Variants in PPP2R5E observed in about 807,000 individuals in gnomAD.
The protein encoded by PPP2R5E is protein phosphatase 2 regulatory subunit B'epsilon.
PPP2R5E carries 4 observed loss-of-function variants against 65.3 expected under a neutral mutation model. The ratio of observed to expected loss-of-function variants is 0.06; its 90% confidence interval spans 0.03 to 0.14. PPP2R5E has a LOEUF of 0.14. PPP2R5E is among the 10% of genes least tolerant of loss of function. The pLI, the probability that PPP2R5E is intolerant of heterozygous loss-of-function variation, is 1.00. For synonymous variants in PPP2R5E, 183 were observed against 187.4 expected (o/e 0.98, Z 0.19); for missense variants, 274 against 556.1 (o/e 0.49, Z 5.10).
intron 2 of PPP2R5E, among the ~76,000 whole-genome samples, chr14:63,538,757 C>G (rs1211508446): frequency 1.3e-5 from 2 of 151,384 alleles, no homozygotes; most frequent in African/African-American, 4.9e-5. Flanking sequence ...CCAGCCTGAC[C>G]AACATGGTGA....
At chr14:63,477,829 G>C (rs1366893302) in intron 2 of PPP2R5E, among the ~76,000 whole-genome samples, 1 of 151,558 alleles carries the variant, frequency 6.6e-6, no homozygotes, top group Non-Finnish European at 1.5e-5. Flanking sequence ...GAGAAGATTA[G>C]CATGACCTCT....
intron 13 of PPP2R5E, among the ~76,000 whole-genome samples, chr14:63,377,063 G>A (rs764756013): frequency 2.0e-5 from 3 of 151,920 alleles, no homozygotes; most frequent in Non-Finnish European, 4.4e-5. Flanking sequence ...AACCCGGGGG[G>A]CGGAGATTGT....
intron 2 of PPP2R5E, among the ~76,000 whole-genome samples, chr14:63,480,960 T>C (rs1890667706): frequency 6.6e-6 from 1 of 152,150 alleles, no homozygotes; most frequent in Non-Finnish European, 1.5e-5. Context: ...GTTAAGAAAA[T>C]AGCAACTGGA....
chr14:63,487,652 T>C (rs1159960670), intron 2 of PPP2R5E, among the ~76,000 whole-genome samples: 1 of 152,240 alleles, frequency 6.6e-6, no homozygotes, highest in Non-Finnish European at 1.5e-5. Context: ...GTCCTTTCTA[T>C]ACAAATTAGT....
intron 2 of PPP2R5E, among the ~76,000 whole-genome samples, chr14:63,483,582 T>C (rs1452018633): frequency 6.6e-6 from 1 of 152,010 alleles, no homozygotes; most frequent in African/African-American, 2.4e-5. Context: ...AGGGCGCCAC[T>C]AGAGAAAAGC....
intron 5 of PPP2R5E, among the ~76,000 whole-genome samples, chr14:63,402,618 T>G (rs959140512): frequency 6.6e-6 from 1 of 152,164 alleles, no homozygotes; most frequent in Non-Finnish European, 1.5e-5. Context: ...GGAAATTTTT[T>G]AAAAGCTTTT....
intron 5 of PPP2R5E, among the ~76,000 whole-genome samples, chr14:63,409,921 G>A (rs1347480628): frequency 1.3e-5 from 2 of 152,254 alleles, no homozygotes; most frequent in Non-Finnish European, 2.9e-5. Flanking sequence ...TTTGTATGCA[G>A]TTTCTTCTGA....
In PPP2R5E at chr14:63,474,306, G is replaced by A. The variant is rs564122405; in HGVS notation, c.158-20421C>T. Among the ~76,000 whole-genome samples, 14 of 152,264 alleles carry A rather than the reference G, an allele frequency of 9.2e-5. No homozygotes were observed. In the East Asian group the frequency reaches 1.9e-3, roughly 21 times the overall value. On this transcript the variant is annotated intron_variant, in intron 2 of 13. Transcript: ENST00000337537. The stretch of plus-strand genomic sequence containing the variant: ...CTTGGCACTTGCCCCACTTCTCCAC[G>A]TTCAGTGGGTGGGAGCCGGGTTGTC...
At chr14:63,503,771 T>C (rs1038573640) in intron 2 of PPP2R5E, among the ~76,000 whole-genome samples, 12 of 152,172 alleles carry the variant, frequency 7.9e-5, no homozygotes, top group African/African-American at 1.2e-4. Flanking sequence ...CAGAATTGCA[T>C]GGGGGCCTTG....
intron 2 of PPP2R5E, among the ~76,000 whole-genome samples, chr14:63,522,444 A>G (rs1046050544): frequency 2.2e-5 from 3 of 137,868 alleles, no homozygotes; most frequent in Admixed American, 7.4e-5. Context: ...CTGGCTGCCC[A>G]GTCTGGAAAG....
At chr14:63,400,385 AT>A (rs1885676934) in intron 5 of PPP2R5E, among the ~76,000 whole-genome samples, 1 of 152,226 alleles carries the variant, frequency 6.6e-6, no homozygotes, top group Admixed American at 6.5e-5. Flanking sequence ...AGGAAGAGAC[AT>A]CCAGGCTGAC....
intron 2 of PPP2R5E, among the ~76,000 whole-genome samples, chr14:63,498,567 T>C (rs917717374): frequency 3.9e-5 from 6 of 152,100 alleles, no homozygotes; most frequent in Non-Finnish European, 7.3e-5. Flanking sequence ...AAGTAATTTT[T>C]TTTTTTCCCA....
chr14:63,439,472 TC>T (rs1004622285), intron 3 of PPP2R5E, among the ~76,000 whole-genome samples: 1 of 152,186 alleles, frequency 6.6e-6, no homozygotes, highest in Non-Finnish European at 1.5e-5. Context: ...CCTCCCAGGT[TC>T]AAGCCATTCT....
intron 3 of PPP2R5E, among the ~76,000 whole-genome samples, chr14:63,426,699 CAAAAAAAAAAAA>C (rs1191603099): frequency 7.3e-5 from 4 of 54,794 alleles, no homozygotes; most frequent in South Asian, 1.6e-3. Context: ...AAAGGCTTAT[CAAAAAAAAAAAA>C]AAAAAAAAAA....
intron 2 of PPP2R5E, among the ~76,000 whole-genome samples, chr14:63,501,869 AT>A (rs1226569000): frequency 6.6e-6 from 1 of 152,140 alleles, no homozygotes; most frequent in Non-Finnish European, 1.5e-5. Context: ...GTCTAAAATT[AT>A]TTCCAAATAA....
At chr14:63,425,343 T>A (rs926533280) in intron 3 of PPP2R5E, among the ~76,000 whole-genome samples, 1 of 152,248 alleles carries the variant, frequency 6.6e-6, no homozygotes, top group African/African-American at 2.4e-5. Flanking sequence ...AGCTATAATG[T>A]AATTGACAGG....
chr14:63,520,995 C>T (rs1415282283), intron 2 of PPP2R5E, among the ~76,000 whole-genome samples: 1 of 151,462 alleles, frequency 6.6e-6, no homozygotes, highest in Non-Finnish European at 1.5e-5. Context: ...GCCAAGATCG[C>T]GCCACTGCAC....
intron 2 of PPP2R5E, among the ~76,000 whole-genome samples, chr14:63,526,139 AGT>A (rs1393485444): frequency 1.3e-5 from 2 of 152,028 alleles, no homozygotes; most frequent in African/African-American, 4.8e-5. Flanking sequence ...GGATTACAGG[AGT>A]GAGCCACCAT....
At chr14:63,461,542 T>C (rs1049317678) in intron 2 of PPP2R5E, among the ~76,000 whole-genome samples, 6 of 151,338 alleles carry the variant, frequency 4.0e-5, no homozygotes, top group Admixed American at 6.6e-5. Flanking sequence ...CCACCCAAAA[T>C]CCCAGCACTT....
Sources: gnomAD v4.1 joint callset for allele counts (sites outside exome capture counted in the v4.1 genomes callset) on GRCh38, gnomAD v4.1.1 for gene constraint, MANE v1.5 for transcripts, NCBI Gene and HGNC (gene_info 2026-07-23, HGNC 2026-07-21) for gene names.